The following EPHA4 variants were observed in gnomAD, a reference collection of about 807,000 sequenced individuals.
The protein encoded by EPHA4 is ephrin type-A receptor 4.
A neutral mutation model predicts 108.3 loss-of-function variants in EPHA4; 19 were observed. That is an observed-to-expected ratio of 0.18 (90% confidence interval 0.12 to 0.26). The LOEUF (loss-of-function observed/expected upper bound fraction) is 0.26. EPHA4 is among the 10% of genes least tolerant of loss of function. EPHA4 has a pLI of 1.00. For missense variants in EPHA4, 917 were observed against 1,254.0 expected, an observed-to-expected ratio of 0.73 and a Z score of 4.06; for synonymous variants, 449 against 455.5, an observed-to-expected ratio of 0.99 and a Z score of 0.18.
chr2:221,440,364 C>A (rs893464392), intron 11 of EPHA4, among the ~76,000 whole-genome samples: 4 of 152,060 alleles, frequency 2.6e-5, no homozygotes, highest in Non-Finnish European at 5.9e-5. Flanking sequence ...TCACTGTCTG[C>A]GACAGGAAAA....
At position 221,571,288 on chromosome 2, in the gene EPHA4, T is replaced by A. The variant is rs1382661639; in HGVS notation, c.91+870A>T. Among the ~76,000 whole-genome samples the A allele has an allele frequency of 6.6e-6, 1 of 150,462 alleles. No homozygotes were observed. Among genetic ancestry groups the A allele is most frequent in the South Asian group, 2.1e-4 (1 of 4,734 alleles). The stretch of plus-strand genomic sequence containing the variant: ...CACACACACACAGTTCGCCTCTCCC[T>A]GGGTTTCTCAGAAACTAAATGATCA... On this transcript the variant is annotated intron_variant, in intron 1 of 17. Transcript: ENST00000281821. This position sits in a 1 kb window ranked among gnomAD's most constrained non-coding sequence, Gnocchi z 6.3.
rs1689844150 is a variant in EPHA4 at position 221,424,582 on chromosome 2, T to G, written c.*819+627A>C. ...TGCTGGTATATAAAAATAGAAGCAT[T>G]GAAAGCTAATAGGTTTATGGATGAG... On this transcript the variant is annotated intron_variant, in intron 17 of 17. Coordinates refer to ENST00000281821, the MANE Select transcript of EPHA4 (RefSeq NM_004438.5). Among the ~76,000 whole-genome samples, 3 of 152,130 alleles carry G rather than the reference T, an allele frequency of 2.0e-5. No homozygotes were observed. The South Asian group carries it at 6.2e-4, about 32-fold the overall frequency.
Position 221,457,825 on chromosome 2 carries a change from GAAGGAAGA to G in EPHA4, c.1443+33_1443+40del, listed in dbSNP as rs1440463046. 6 of 1,593,076 alleles carry G rather than the reference GAAGGAAGA, an allele frequency of 3.8e-6. No individual in the cohort carries two copies. In the Admixed American group the frequency reaches 5.1e-5, roughly 13 times the overall value. Reference sequence around the variant, plus strand: ...AGAAGAAAACAAAGAAGGAAGGAAGGAAGGAAGAAAGGAAAGGAGTGTTGTTCACTCAA... The same window carrying G: ...AGAAGAAAACAAAGAAGGAAGGAAGGAAGGAAAGGAGTGTTGTTCACTCAA... On this transcript the variant is annotated intron_variant, in intron 6 of 17. Coordinates refer to ENST00000281821, the MANE Select transcript of EPHA4 (RefSeq NM_004438.5).
At chr2:221,569,458 T>G (rs544737076) in intron 1 of EPHA4, 2 of 152,208 alleles carry the variant, frequency 1.3e-5, no homozygotes, top group Admixed American at 1.3e-4. Flanking sequence ...CTTCCACCCG[T>G]AGGAAATCAC....
chr2:221,470,332 G>C (rs540246859), intron 5 of EPHA4, among the ~76,000 whole-genome samples: 153 of 150,974 alleles, frequency 1.0e-3, no homozygotes, highest in African/African-American at 3.6e-3. Flanking sequence ...AGAGAGAAAG[G>C]GCGGGGGGGA....
At chr2:221,483,081 A>C (rs1191621154) in intron 4 of EPHA4, among the ~76,000 whole-genome samples, 1 of 152,246 alleles carries the variant, frequency 6.6e-6, no homozygotes, top group Non-Finnish European at 1.5e-5. Flanking sequence ...CTGATAAATT[A>C]ATAGTTATAT....
intron 3 of EPHA4, among the ~76,000 whole-genome samples, chr2:221,531,652 T>G (rs183841288): frequency 1.2e-3 from 176 of 152,292 alleles, no homozygotes; most frequent in African/African-American, 3.9e-3. Flanking sequence ...AAAAAGCTTT[T>G]TTTTTCTTTG....
At chr2:221,568,882 G>T in intron 1 of EPHA4, 97 bp from the exon 2 acceptor site, 2 of 963,818 alleles carry the variant, frequency 2.1e-6, no homozygotes, top group Non-Finnish European at 1.6e-6. Flanking sequence ...TGCTGAGGCT[G>T]TGCATATCCA....
intron 3 of EPHA4, among the ~76,000 whole-genome samples, chr2:221,528,975 A>G (rs1046098406): frequency 6.6e-6 from 1 of 152,208 alleles, no homozygotes; most frequent in Admixed American, 6.5e-5. Flanking sequence ...CATTAAAACA[A>G]AACAAAACAA....
chr2:221,483,196 C>T (rs1418738438), intron 4 of EPHA4, among the ~76,000 whole-genome samples: 6 of 152,232 alleles, frequency 3.9e-5, no homozygotes, highest in Non-Finnish European at 5.9e-5. Flanking sequence ...AACATGGCAG[C>T]GGAGGGTTAA....
intron 4 of EPHA4, among the ~76,000 whole-genome samples, chr2:221,487,773 T>C (rs572143092): frequency 6.6e-6 from 1 of 152,304 alleles, no homozygotes; most frequent in East Asian, 1.9e-4. Flanking sequence ...ACGTTTTTGG[T>C]TGTATTTGTA....
intron 5 of EPHA4, among the ~76,000 whole-genome samples, chr2:221,475,367 G>C (rs1358520693): frequency 6.6e-6 from 1 of 152,154 alleles, no homozygotes; most frequent in Non-Finnish European, 1.5e-5. Context: ...AATTATTTTA[G>C]TTAATTTTTT....
intron 3 of EPHA4, among the ~76,000 whole-genome samples, chr2:221,537,050 G>A (rs983438232): frequency 3.3e-5 from 5 of 152,218 alleles, no homozygotes; most frequent in African/African-American, 1.2e-4. Context: ...TCTCTATGCC[G>A]TGGGACTTTG....
intron 8 of EPHA4, among the ~76,000 whole-genome samples, chr2:221,452,630 A>G (rs1690823156): frequency 6.6e-6 from 1 of 152,200 alleles, no homozygotes; most frequent in Admixed American, 6.5e-5. Context: ...TATGAGGGCA[A>G]GGGGTTGACA....
chr2:221,493,860 T>C (rs1248767330), intron 4 of EPHA4, among the ~76,000 whole-genome samples: 1 of 152,230 alleles, frequency 6.6e-6, no homozygotes, highest in African/African-American at 2.4e-5. Flanking sequence ...CCTCTGGTCA[T>C]AGATCTTAGG....
intron 3 of EPHA4, among the ~76,000 whole-genome samples, chr2:221,528,374 G>A (rs1473627570): frequency 2.0e-5 from 3 of 152,152 alleles, no homozygotes; most frequent in Non-Finnish European, 4.4e-5. Context: ...ACCATTAGAT[G>A]CATCAGCAAC....
rs747760666 is a variant in EPHA4, at chr2:221,426,568, T to A, written c.2742A>T (p.Val914=). The A allele has an allele frequency of 3.7e-6, 6 of 1,613,902 alleles. No homozygotes were observed. The highest frequency in any genetic ancestry group is 1.6e-4 in the Middle Eastern group (1 of 6,082). ...TGGCCTGGAGCCAATCGCCCACTGA[T>A]ACCACAGCAGAGAATTCAGGGGAGC... ...DPSSPEFSAV[V]SVGDWLQAIK... The change falls in exon 16 of 18, where the codon GTA becomes GTT. Residue 914 remains valine (V), a synonymous_variant. Coordinates refer to ENST00000281821, the MANE Select transcript of EPHA4 (RefSeq NM_004438.5).
intron 3 of EPHA4, among the ~76,000 whole-genome samples, chr2:221,550,120 A>T (rs897460733): frequency 6.6e-6 from 1 of 152,236 alleles, no homozygotes; most frequent in Admixed American, 6.5e-5. Context: ...CAAAGAACTT[A>T]TCCACTACGC....
intron 3 of EPHA4, among the ~76,000 whole-genome samples, chr2:221,554,251 G>C (rs1055523539): frequency 3.9e-5 from 6 of 152,198 alleles, no homozygotes; most frequent in Non-Finnish European, 8.8e-5. Flanking sequence ...AGACCATGTG[G>C]AGCAAAACCA....
Sources: gnomAD v4.1 joint callset for allele counts (sites outside exome capture counted in the v4.1 genomes callset) on GRCh38, gnomAD v4.1.1 for gene constraint, Gnocchi (gnomAD v3.1) non-coding constraint, MANE v1.5 for transcripts, NCBI Gene and HGNC (gene_info 2026-07-23, HGNC 2026-07-21) for gene names.